The following NCOA2 variants were observed in gnomAD, a reference collection of about 807,000 sequenced individuals.
NCOA2 encodes nuclear receptor coactivator 2.
NCOA2 carries 21 observed loss-of-function variants against 145.1 expected under a neutral mutation model. The observed-to-expected ratio is 0.14, with a 90% CI of 0.10 to 0.21. The LOEUF (loss-of-function observed/expected upper bound fraction) is 0.21, where lower values mean the gene tolerates loss of function less well. Among genes scored for constraint, NCOA2 ranks in the 10% least tolerant of loss-of-function variants. The pLI, the probability that NCOA2 is intolerant of heterozygous loss-of-function variation, is 1.00. For synonymous variants in NCOA2, 619 were observed against 637.5 expected (o/e 0.97, Z 0.44); for missense variants, 1,472 against 1,837.6 (o/e 0.80, Z 3.64).
rs1227416239 is a variant in NCOA2 at position 70,148,344 on chromosome 8, T to C, written c.2534A>G (p.Gln845Arg). 2.5e-6 allele frequency: 4 copies of C among 1,614,040 alleles called. No individual in the cohort carries two copies. The East Asian group carries it at 8.9e-5, about 36-fold the overall frequency. ...DKQAIINDLM[Q>R]LTAENSPVTP... ...GACAGGGCTGTTTTCAGCTGTGAGT[T>C]GCATGAGGTCATTGATGATGGCTTG... The change falls in exon 12 of 23, where the codon CAA becomes CGA. Residue 845 changes from glutamine (Q) to arginine (R), a missense_variant. Gln to Arg is a conservative substitution (Grantham distance 43). Transcript: ENST00000452400.
chr8:70,329,342 C>T (rs1806874394), intron 1 of NCOA2, among the ~76,000 whole-genome samples: 1 of 152,200 alleles, frequency 6.6e-6, no homozygotes, highest in Admixed American at 6.5e-5. Flanking sequence ...AACTCCTGGG[C>T]TCAAGCAATC....
the NCOA2 span, among the ~76,000 whole-genome samples, chr8:70,412,992 GGAGGCT>G: frequency 1.3e-5 from 2 of 151,758 alleles, no homozygotes; most frequent in African/African-American, 4.8e-5. Flanking sequence ...CAGCTACTTG[GGAGGCT>G]GAGGCATGAG....
At position 70,113,520 on chromosome 8, in the gene NCOA2, GA is replaced by G; in HGVS notation, c.*111del. 3 of 1,289,224 alleles carry G rather than the reference GA, an allele frequency of 2.3e-6. No individual in the cohort carries two copies. The highest frequency in any genetic ancestry group is 3.3e-6 in the Non-Finnish European group (3 of 912,082). The allele number at this position is 1,289,224 out of a possible 1,614,324, so 79.9% of individuals were successfully genotyped here. On this transcript the variant is annotated 3_prime_UTR_variant, in exon 23 of 23. Transcript: ENST00000452400. ...AGGGCCAGGCCTGTCTGCTCTAGCA[GA>G]ACCGGCTGGCAGGTCAGTTGGGTTG...
intron 2 of NCOA2, among the ~76,000 whole-genome samples, chr8:70,258,700 T>G (rs1823866112): frequency 6.6e-6 from 1 of 152,210 alleles, no homozygotes; most frequent in African/African-American, 2.4e-5. Flanking sequence ...CTTCTTCTCA[T>G]GCCAGGTCTC....
intron 7 of NCOA2, among the ~76,000 whole-genome samples, chr8:70,165,662 T>TA (rs1407469340): frequency 6.6e-6 from 1 of 152,146 alleles, no homozygotes; most frequent in Non-Finnish European, 1.5e-5. Flanking sequence ...CTAATAAGCT[T>TA]AGAGTCTAAA....
chr8:70,167,845 T>C (rs1388564918), intron 6 of NCOA2, among the ~76,000 whole-genome samples: 2 of 152,150 alleles, frequency 1.3e-5, no homozygotes, highest in Non-Finnish European at 2.9e-5. Flanking sequence ...AATTAAAGGG[T>C]GTTTATGGAT....
the NCOA2 span, among the ~76,000 whole-genome samples, chr8:70,410,747 A>G: frequency 1.3e-5 from 2 of 152,242 alleles, no homozygotes; most frequent in African/African-American, 4.8e-5. Context: ...AATTACTGAA[A>G]TATGCAATAA....
intron 1 of NCOA2, among the ~76,000 whole-genome samples, chr8:70,383,090 T>C (rs1033353014): frequency 8.5e-5 from 13 of 152,212 alleles, no homozygotes; most frequent in African/African-American, 3.1e-4. Flanking sequence ...GGGTGAACTC[T>C]GGACAGAGCG....
intron 1 of NCOA2, among the ~76,000 whole-genome samples, chr8:70,384,181 G>A (rs991369288): frequency 9.2e-5 from 14 of 151,904 alleles, no homozygotes; most frequent in Admixed American, 7.9e-4. Context: ...CTTAGATGGA[G>A]AATAACTAAA....
At chr8:70,281,936 A>C (rs1332023577) in intron 2 of NCOA2, among the ~76,000 whole-genome samples, 3 of 152,260 alleles carry the variant, frequency 2.0e-5, no homozygotes, top group Non-Finnish European at 1.5e-5. Context: ...GTATGATATA[A>C]TTTCCTATTT....
intron 1 of NCOA2, among the ~76,000 whole-genome samples, chr8:70,324,832 C>T (rs1806409636): frequency 6.6e-6 from 1 of 152,120 alleles, no homozygotes; most frequent in South Asian, 2.1e-4. Context: ...CTACCTTTCC[C>T]CCTTTAATGA....
chr8:70,453,020 G>C, the NCOA2 span, among the ~76,000 whole-genome samples: 5 of 152,230 alleles, frequency 3.3e-5, no homozygotes, highest in Non-Finnish European at 7.3e-5. Context: ...ATCAAGGTCA[G>C]ACTGAAATTC....
intron 4 of NCOA2, among the ~76,000 whole-genome samples, chr8:70,195,825 T>TAAGAGACCAATTCA (rs1817246397): frequency 6.6e-6 from 1 of 152,176 alleles, no homozygotes; most frequent in African/African-American, 2.4e-5. Flanking sequence ...CACATTCCTT[T>TAAGAGACCAATTCA]AAGAGACCAA....
chr8:70,245,718 A>C (rs1822559551), intron 2 of NCOA2, among the ~76,000 whole-genome samples: 1 of 152,256 alleles, frequency 6.6e-6, no homozygotes, highest in African/African-American at 2.4e-5. Context: ...TCTGCTGCTA[A>C]AAATAAATGC....
chr8:70,350,531 A>G (rs1809081173), intron 1 of NCOA2, among the ~76,000 whole-genome samples: 1 of 152,222 alleles, frequency 6.6e-6, no homozygotes, highest in African/African-American at 2.4e-5. Context: ...ACAGTTCACA[A>G]CTGATGTTTA....
chr8:70,124,214 C>T, intron 20 of NCOA2, 132 bp from the exon 21 acceptor site: 1 of 825,118 alleles, frequency 1.2e-6, no homozygotes, highest in Non-Finnish European at 1.9e-6. Context: ...CAGGCTGAGA[C>T]AGCCGGCAGG....
intron 1 of NCOA2, among the ~76,000 whole-genome samples, chr8:70,384,376 G>A (rs995465589): frequency 7.9e-5 from 12 of 152,020 alleles, no homozygotes; most frequent in Non-Finnish European, 1.6e-4. Flanking sequence ...GTCTGAACTA[G>A]TCAAAAATAA....
At chr8:70,349,160 G>A (rs766147799) in intron 1 of NCOA2, among the ~76,000 whole-genome samples, 31 of 151,860 alleles carry the variant, frequency 2.0e-4, no homozygotes, top group Admixed American at 5.3e-4. Context: ...GTAAAATGAC[G>A]AGTAACAGTA....
At chr8:70,425,548 A>G in the NCOA2 span, among the ~76,000 whole-genome samples, 1 of 152,090 alleles carries the variant, frequency 6.6e-6, no homozygotes, top group African/African-American at 2.4e-5. Flanking sequence ...TACTGCCTCA[A>G]TGGCAACAAT....
Sources: allele counts gnomAD v4.1 joint callset (sites outside exome capture counted in the v4.1 genomes callset), GRCh38; gene constraint gnomAD v4.1.1; transcripts MANE v1.5; gene names NCBI Gene and HGNC (gene_info 2026-07-23, HGNC 2026-07-21).